The following MIB1 variants were observed in gnomAD, a reference collection of about 807,000 sequenced individuals.
MIB1 encodes the protein E3 ubiquitin-protein ligase MIB1.
Under a neutral mutation model 124.5 loss-of-function variants are expected in MIB1, and 278 were observed. The observed-to-expected ratio is 2.23, with a 90% CI of 2.02 to 2.47. MIB1 has a LOEUF of 2.47. Among genes scored for constraint, MIB1 ranks in the 30% most tolerant of loss-of-function variants. The pLI is 0.00. For missense variants in MIB1, 957 were observed against 1,254.4 expected (o/e 0.76, Z 3.58); for synonymous variants, 446 against 429.4 (o/e 1.04, Z -0.48).
At chr18:21,765,702 TCCC>T in intron 1 of MIB1, 67 bp from the exon 2 acceptor site, 1 of 1,449,684 alleles carries the variant, frequency 6.9e-7, no homozygotes, top group Non-Finnish European at 9.4e-7. Flanking sequence ...CTTATTTTTT[TCCC>T]CCAAGGAATA....
chr18:21,780,018 C>T (rs561319567), intron 6 of MIB1, among the ~76,000 whole-genome samples: 3 of 152,106 alleles, frequency 2.0e-5, no homozygotes, highest in South Asian at 2.1e-4. Flanking sequence ...GTTCTGTGTT[C>T]GTATTGGACT....
intron 13 of MIB1, among the ~76,000 whole-genome samples, chr18:21,840,657 ATATATATATTTTT>A (rs1286517814): frequency 1.8e-3 from 3 of 1,684 alleles, no homozygotes; most frequent in African/African-American, 4.8e-3. Flanking sequence ...ATATATATAT[ATATATATATTTTT>A]TTTTTTTTTT....
intron 8 of MIB1, among the ~76,000 whole-genome samples, chr18:21,798,901 G>A (rs2041616913): frequency 1.3e-5 from 2 of 151,988 alleles, no homozygotes; most frequent in South Asian, 4.1e-4. Flanking sequence ...AGAAACAAAA[G>A]GAAAACATAA....
At chr18:21,732,351 T>TACACACACACACACACACAC (rs59731612) in intron 1 of MIB1, among the ~76,000 whole-genome samples, 3 of 140,970 alleles carry the variant, frequency 2.1e-5, no homozygotes, top group Non-Finnish European at 4.6e-5. Flanking sequence ...ATTATATGTA[T>TACACACACACACACACACAC]ACACACACAC....
chr18:21,845,016 CTT>C (rs565684956), intron 15 of MIB1, among the ~76,000 whole-genome samples: 3 of 144,204 alleles, frequency 2.1e-5, no homozygotes, highest in Non-Finnish European at 3.1e-5. Flanking sequence ...TCTTTTCATT[CTT>C]TTTTTTTTTT....
intron 1 of MIB1, among the ~76,000 whole-genome samples, chr18:21,754,767 A>G (rs951219695): frequency 6.6e-6 from 1 of 152,236 alleles, no homozygotes; most frequent in South Asian, 2.1e-4. Context: ...TTAAACTACA[A>G]AAGTTAGGGC....
intron 13 of MIB1, among the ~76,000 whole-genome samples, chr18:21,839,709 C>T (rs112064587): frequency 1.3e-5 from 2 of 152,104 alleles, no homozygotes; most frequent in African/African-American, 4.8e-5. Context: ...ACTATGTTGC[C>T]GAAGCTGGTT....
At chr18:21,856,157 G>T (rs957189281) in intron 18 of MIB1, among the ~76,000 whole-genome samples, 3 of 150,756 alleles carry the variant, frequency 2.0e-5, no homozygotes, top group African/African-American at 7.3e-5. Context: ...GTGAACCCGG[G>T]AAGCGGAGCT....
At chr18:21,708,871 G>C (rs1031971580) in intron 1 of MIB1, among the ~76,000 whole-genome samples, 3 of 152,254 alleles carry the variant, frequency 2.0e-5, no homozygotes, top group Admixed American at 1.3e-4. Flanking sequence ...TCCAGATGCA[G>C]CAGGTACACA....
chr18:21,836,308 C>G (rs2042031721), intron 12 of MIB1, among the ~76,000 whole-genome samples: 2 of 147,992 alleles, frequency 1.4e-5, no homozygotes, highest in South Asian at 4.3e-4. Flanking sequence ...GAGTCTCGCT[C>G]AGTCGCCTGG....
intron 7 of MIB1, among the ~76,000 whole-genome samples, chr18:21,795,338 T>TATATATTATATATAATATATAA (rs1323570471): frequency 5.9e-5 from 8 of 136,546 alleles, no homozygotes; most frequent in African/African-American, 2.3e-4. Flanking sequence ...AAATATATAA[T>TATATATTATATATAATATATAA]ATATATAATA....
At chr18:21,770,878 C>G (rs1488859612) in intron 3 of MIB1, among the ~76,000 whole-genome samples, 2 of 152,100 alleles carry the variant, frequency 1.3e-5, no homozygotes, top group African/African-American at 4.8e-5. Flanking sequence ...CCAATTGATT[C>G]TTTATAGTAT....
intron 12 of MIB1, among the ~76,000 whole-genome samples, chr18:21,820,143 T>A (rs990466109): frequency 4.6e-4 from 70 of 152,352 alleles, no homozygotes; most frequent in African/African-American, 1.6e-3. Flanking sequence ...ATTTGCTGGT[T>A]GACATTTGAG....
intron 12 of MIB1, among the ~76,000 whole-genome samples, chr18:21,822,532 T>C (rs1412204715): frequency 6.6e-6 from 1 of 152,230 alleles, no homozygotes; most frequent in Non-Finnish European, 1.5e-5. Context: ...TCTTTATTCC[T>C]ACTTCCTTAA....
chr18:21,795,977 G>A (rs2041574289), intron 7 of MIB1, among the ~76,000 whole-genome samples: 1 of 152,112 alleles, frequency 6.6e-6, no homozygotes. Context: ...ATATAGAGGA[G>A]GTGAAGTAAA....
chr18:21,813,634 TG>T (rs1234715879), intron 10 of MIB1, among the ~76,000 whole-genome samples: 2 of 152,258 alleles, frequency 1.3e-5, no homozygotes, highest in African/African-American at 4.8e-5. Context: ...CTTTAATACC[TG>T]TTTGAGAAAA....
At chr18:21,721,502 A>AT (rs1232049678) in intron 1 of MIB1, among the ~76,000 whole-genome samples, 1 of 151,912 alleles carries the variant, frequency 6.6e-6, no homozygotes. Flanking sequence ...TAAAATTATG[A>AT]TTTTACTAAA....
intron 7 of MIB1, among the ~76,000 whole-genome samples, chr18:21,793,124 A>C (rs1035252096): frequency 6.6e-6 from 1 of 152,248 alleles, no homozygotes; most frequent in African/African-American, 2.4e-5. Context: ...GGAAAGCTCC[A>C]AAACAGCTAG....
chr18:21,797,129 T>C (rs561896425), intron 7 of MIB1, among the ~76,000 whole-genome samples: 2 of 152,148 alleles, frequency 1.3e-5, no homozygotes, highest in Non-Finnish European at 2.9e-5. Context: ...TTTGGGTGAG[T>C]TGATAATAAA....
Sources: gnomAD v4.1 joint callset for allele counts (sites outside exome capture counted in the v4.1 genomes callset) on GRCh38, gnomAD v4.1.1 for gene constraint, MANE v1.5 for transcripts, NCBI Gene and HGNC (gene_info 2026-07-23, HGNC 2026-07-21) for gene names.